Variants in SPATC1L observed in about 807,000 individuals in gnomAD.
SPATC1L encodes the protein spermatogenesis and centriole associated 1 like.
In SPATC1L, 20 loss-of-function variants were observed where a neutral mutation model predicts 21.2. That is an observed-to-expected ratio of 0.94 (90% CI 0.66 to 1.37). The LOEUF (loss-of-function observed/expected upper bound fraction) is 1.37. Among genes scored for constraint, SPATC1L ranks in the 40% most tolerant of loss-of-function variants. The pLI, the probability that SPATC1L is intolerant of heterozygous loss-of-function variation, is 0.00. For missense variants in SPATC1L, 499 were observed against 478.7 expected (o/e 1.04, Z -0.40); for synonymous variants, 290 against 234.5 (o/e 1.24, Z -2.16).
At position 46,183,065 on chromosome 21, in the gene SPATC1L, T is replaced by G; in HGVS notation, c.-249A>C. The G allele has an allele frequency of 2.0e-6, 1 of 488,636 alleles. No individual in the cohort carries two copies. The highest frequency in any genetic ancestry group is 3.6e-6 in the Non-Finnish European group (1 of 279,156). 30.3% of individuals were successfully genotyped at this position (488,636 alleles called of 1,614,324 possible). A position where few individuals can be genotyped will look rare whatever the true frequency, so the allele number is the denominator to read the frequency against. ...GCGTGCACAGGCAGCCACTCCCACA[T>G]TATGACCAGGGCCCGAGAATGCCAA... On this transcript the variant is annotated 5_prime_UTR_variant, in exon 2 of 5. It removes an upstream start codon present in the reference 5' UTR. Transcript: ENST00000291672.
chr21:46,161,756 G>C lies in SPATC1L; in HGVS notation c.697-51C>G, dbSNP rs753912353. 9 of 1,502,066 alleles carry C rather than the reference G, an allele frequency of 6.0e-6. No individual in the cohort carries two copies. The East Asian group carries it at 2.2e-4, about 36-fold the overall frequency. The allele number at this position is 1,502,066 out of a possible 1,614,324, so 93.0% of individuals were successfully genotyped here. A position where few individuals can be genotyped will look rare whatever the true frequency, so the allele number is the denominator to read the frequency against. ...GTGGGGGGCTCGGGGCCCTCGGACGGGGACTTCCAGGCCCAGGGCCGATCC... is the reference window on the plus strand; with the variant it reads ...GTGGGGGGCTCGGGGCCCTCGGACGCGGACTTCCAGGCCCAGGGCCGATCC... On this transcript the variant is annotated intron_variant, in intron 4 of 4. Coordinates refer to ENST00000291672, the MANE Select transcript of SPATC1L (RefSeq NM_001142854.2).
At position 46,182,916 on chromosome 21, in the gene SPATC1L, TCCGTAGCCACCA is replaced by T. The variant is rs2079687555; in HGVS notation, c.-112_-101del. ...CACAGAAACAGCCCAGGCACGGAGT[TCCGTAGCCACCA>T]CCGCCTTCCACGCCTTGTGATGTCA... is the stretch of plus-strand genomic sequence containing the variant. On this transcript the variant is annotated 5_prime_UTR_variant, in exon 2 of 5. Coordinates refer to ENST00000291672, the MANE Select transcript of SPATC1L (RefSeq NM_001142854.2). The T allele has an allele frequency of 1.7e-5, 22 of 1,263,788 alleles. No individual in the cohort carries two copies. Among genetic ancestry groups the T allele is most frequent in the Non-Finnish European group, 2.3e-5 (22 of 945,626 alleles). 78.3% of individuals were successfully genotyped at this position (1,263,788 alleles called of 1,614,324 possible). A position where few individuals can be genotyped will look rare whatever the true frequency, so the allele number is the denominator to read the frequency against.
Position 46,161,577 on chromosome 21 carries a change from G to T in SPATC1L, c.825C>A (p.Ser275Arg), listed in dbSNP as rs760250235. ...GYSRDVHPAF[S>R]EFLINTYGIL... ...TTCCGTAGGTGTTGATGAGGAACTCGCTGAACGCCGGGTGCACGTCGCGGC... is the reference window on the plus strand; with the variant it reads ...TTCCGTAGGTGTTGATGAGGAACTCTCTGAACGCCGGGTGCACGTCGCGGC... Residue 275 changes from serine (S) to arginine (R), a missense_variant, in exon 5 of 5, where the codon AGC becomes AGA. By Grantham distance (110) the Ser-to-Arg change is moderately radical. Coordinates refer to ENST00000291672, the MANE Select transcript of SPATC1L (RefSeq NM_001142854.2). 6.2e-7 allele frequency: 1 copy of T among 1,610,252 alleles called. No individual in the cohort carries two copies. The highest frequency in any genetic ancestry group is 1.1e-5 in the South Asian group (1 of 90,752).
chr21:46,162,038 CCTT>C lies in SPATC1L; in HGVS notation c.571_573del (p.Lys191del), dbSNP rs775298796. ...GCGATCTCGCCCACCACGCGCGCGT[CCTT>C]CTCGGCGCCCGCGAAGCTCTGGATC... On this transcript the variant is annotated inframe_deletion, in exon 4 of 5. Transcript: ENST00000291672. 1.4e-5 allele frequency: 23 copies of C among 1,588,266 alleles called. No individual in the cohort carries two copies. The East Asian group carries it at 5.2e-4, about 36-fold the overall frequency.
chr21:46,163,980 G>T (rs1254108111), intron 3 of SPATC1L, among the ~76,000 whole-genome samples: 1 of 152,072 alleles, frequency 6.6e-6, no homozygotes, highest in Non-Finnish European at 1.5e-5. Context: ...TGAACACAAG[G>T]TGTTTTTCTG....
intron 3 of SPATC1L, 64 bp from the exon 4 acceptor site, chr21:46,162,131 C>A: frequency 6.8e-7 from 1 of 1,472,764 alleles, no homozygotes; most frequent in Non-Finnish European, 9.0e-7. Flanking sequence ...CTCGAGGGTG[C>A]CCTCGGCCAC....
chr21:46,164,465 T>G (rs992864391), intron 3 of SPATC1L, among the ~76,000 whole-genome samples: 6 of 152,108 alleles, frequency 3.9e-5, no homozygotes, highest in African/African-American at 1.4e-4. Flanking sequence ...AGGTGTAATC[T>G]CCTCCTTCTG....
Position 46,183,419 on chromosome 21 carries a change from A to G in SPATC1L, c.-603T>C, listed in dbSNP as rs576263972. 52 of 178,320 alleles carry G rather than the reference A, an allele frequency of 2.9e-4. No homozygotes were observed. Among genetic ancestry groups the G allele is most frequent in the Non-Finnish European group, 5.9e-4 (49 of 82,720 alleles). 11.0% of individuals were successfully genotyped at this position (178,320 alleles called of 1,614,324 possible). On this transcript the variant is annotated 5_prime_UTR_variant, in exon 2 of 5. Transcript: ENST00000291672. The stretch of plus-strand genomic sequence containing the variant: ...GTGGGAGGAGACCAGCATGTGGGGG[A>G]GACCAGCCTGGTGGGGAGACCAGCT...
rs1680236849 is a variant in SPATC1L, at chr21:46,161,321, CG to C, written c.*57del. 7.0e-7 allele frequency: 1 copy of C among 1,424,254 alleles called. No individual in the cohort carries two copies. The highest frequency in any genetic ancestry group is 9.2e-7 in the Non-Finnish European group (1 of 1,087,628). The allele number at this position is 1,424,254 out of a possible 1,614,324, so 88.2% of individuals were successfully genotyped here. On this transcript the variant is annotated 3_prime_UTR_variant, in exon 5 of 5. Coordinates refer to ENST00000291672, the MANE Select transcript of SPATC1L (RefSeq NM_001142854.2). ...CCGGGGGGACGCGCAGGAGGCACCG[CG>C]GCCCCGGGTTGGAACAAACGCGTTT...
chr21:46,161,802 C>G (rs952833357), intron 4 of SPATC1L, 97 bp from the exon 5 acceptor site: 1 of 1,495,480 alleles, frequency 6.7e-7, no homozygotes, highest in African/African-American at 1.4e-5. Context: ...CGCCTGGGTC[C>G]CCGGGGTCCC....
Position 46,181,990 on chromosome 21 carries a change from T to C in SPATC1L, c.193+634A>G, listed in dbSNP as rs565285508. The stretch of plus-strand genomic sequence containing the variant: ...AGTGACCAAACCCTATATATATACT[T>C]TTTTCAGTAAAAAGCCACAGAAGGT... On this transcript the variant is annotated intron_variant, in intron 2 of 4. Coordinates refer to ENST00000291672, the MANE Select transcript of SPATC1L (RefSeq NM_001142854.2). Among the ~76,000 whole-genome samples, 7 of 152,310 alleles carry C rather than the reference T, an allele frequency of 4.6e-5. No individual in the cohort carries two copies. In the South Asian group the frequency reaches 1.4e-3, roughly 32 times the overall value.
At chr21:46,174,260 C>CA (rs1224679322) in intron 2 of SPATC1L, among the ~76,000 whole-genome samples, 1 of 148,934 alleles carries the variant, frequency 6.7e-6, no homozygotes, top group Non-Finnish European at 1.5e-5. Context: ...ACCTAGGAGG[C>CA]AGAGGTTGCA....
At position 46,161,947 on chromosome 21, in the gene SPATC1L, G is replaced by A. The variant is rs1282184741; in HGVS notation, c.665C>T (p.Thr222Met). ...GATCTTCTCGGGGATGTTGGCCACC[G>A]TGAAGCCGTAGAGCCGCGTCACGCC... ...FPGVTRLYGF[T>M]VANIPEKIEQ... The change falls in exon 4 of 5, where the codon ACG becomes ATG. Residue 222 changes from threonine (T) to methionine (M), a missense_variant. Coordinates refer to ENST00000291672, the MANE Select transcript of SPATC1L (RefSeq NM_001142854.2). 5.0e-6 allele frequency: 8 copies of A among 1,607,932 alleles called. 1 individual carries two copies. Among genetic ancestry groups the A allele is most frequent in the East Asian group, 2.2e-5 (1 of 44,828 alleles).
Position 46,161,308 on chromosome 21 carries a change from G to A in SPATC1L, c.*71C>T. 2.2e-6 allele frequency: 3 copies of A among 1,376,884 alleles called. No homozygotes were observed. The highest frequency in any genetic ancestry group is 2.9e-6 in the Non-Finnish European group (3 of 1,049,514). The allele number at this position is 1,376,884 out of a possible 1,614,324, so 85.3% of individuals were successfully genotyped here. A position where few individuals can be genotyped will look rare whatever the true frequency, so the allele number is the denominator to read the frequency against. On this transcript the variant is annotated 3_prime_UTR_variant, in exon 5 of 5. Transcript: ENST00000291672. Reference sequence around the variant, plus strand: ...GGCCCTTTCCCCTCCGGGGGGACGCGCAGGAGGCACCGCGGCCCCGGGTTG... The same window carrying A: ...GGCCCTTTCCCCTCCGGGGGGACGCACAGGAGGCACCGCGGCCCCGGGTTG...
chr21:46,166,364 T>C (rs1247445210), intron 3 of SPATC1L, among the ~76,000 whole-genome samples: 4 of 137,204 alleles, frequency 2.9e-5, no homozygotes, highest in Non-Finnish European at 4.6e-5. Context: ...AGACCCTGTC[T>C]CCAAAAAAAA....
chr21:46,180,121 C>T (rs1569004880), intron 2 of SPATC1L, among the ~76,000 whole-genome samples: 1 of 152,258 alleles, frequency 6.6e-6, no homozygotes, highest in Non-Finnish European at 1.5e-5. Flanking sequence ...CCACCCACGG[C>T]GGCGGCGTCC....
Position 46,161,377 on chromosome 21 carries a change from G to C in SPATC1L, c.*2C>G. 1.3e-6 allele frequency: 2 copies of C among 1,508,464 alleles called. No individual in the cohort carries two copies. The highest frequency in any genetic ancestry group is 2.3e-5 in the East Asian group (1 of 43,388). 93.4% of individuals were successfully genotyped at this position (1,508,464 alleles called of 1,614,324 possible). A position where few individuals can be genotyped will look rare whatever the true frequency, so the allele number is the denominator to read the frequency against. ...CAGGCAAGGCGGCGGGCGCGGGGCG[G>C]CTCACCAGGCGAAGAGGGGCTTGCC... is the stretch of plus-strand genomic sequence containing the variant. On this transcript the variant is annotated 3_prime_UTR_variant, in exon 5 of 5. Coordinates refer to ENST00000291672, the MANE Select transcript of SPATC1L (RefSeq NM_001142854.2).
chr21:46,172,431 G>A (rs76698352), intron 2 of SPATC1L, among the ~76,000 whole-genome samples: 17,418 of 152,276 alleles, frequency 0.11, 1,207 homozygotes, highest in Non-Finnish European at 0.16. Context: ...CACAAACACC[G>A]AACAAGATGA....
chr21:46,182,668 G>C lies in SPATC1L; in HGVS notation c.149C>G (p.Pro50Arg), dbSNP rs1331093353. The change falls in exon 2 of 5, where the codon CCC (proline) becomes CGC (arginine). Residue 50 changes from proline to arginine, a missense_variant. Pro to Arg is a moderately radical substitution (Grantham distance 103). Coordinates refer to ENST00000291672, the MANE Select transcript of SPATC1L (RefSeq NM_001142854.2). ...GGCCTCAGGGTAGGCATGCGCCCTG[G>C]GTGGGAGCAGGTCGTGGCCGCCGCC... is the stretch of plus-strand genomic sequence containing the variant. ...QEGGGHDLLP[P>R]RAHAYPEAGS... 1.3e-6 allele frequency: 2 copies of C among 1,540,740 alleles called. No individual in the cohort carries two copies.
Sources: allele counts gnomAD v4.1 joint callset (sites outside exome capture counted in the v4.1 genomes callset), GRCh38; gene constraint gnomAD v4.1.1; transcripts MANE v1.5; gene names NCBI Gene and HGNC (gene_info 2026-07-23, HGNC 2026-07-21).